Variants in CHSY3 observed in about 807,000 individuals in gnomAD.
The protein encoded by CHSY3 is N-acetylgalactosaminyl-proteoglycan 3-beta-glucuronosyltransferase 3.
CHSY3 carries 35 observed loss-of-function variants against 67.2 expected under a neutral mutation model. That is an observed-to-expected ratio of 0.52 (90% confidence interval 0.40 to 0.69). CHSY3 has a LOEUF of 0.69. CHSY3 is among the 30% of genes least tolerant of loss of function. The probability of loss-of-function intolerance (pLI) is 0.00; values close to 1 mark genes in which losing one functional copy is unlikely to be tolerated. For synonymous variants in CHSY3, 474 were observed against 434.7 expected (o/e 1.09, Z -1.12); for missense variants, 1,069 against 1,138.5 (o/e 0.94, Z 0.88).
At chr5:129,956,157 A>C (rs951432204) in intron 2 of CHSY3, among the ~76,000 whole-genome samples, 33 of 152,174 alleles carry the variant, frequency 2.2e-4, no homozygotes, top group African/African-American at 8.0e-4. Flanking sequence ...CACTCCCGCC[A>C]ACAGTGTATA....
At chr5:130,042,650 T>C (rs1343547153) in intron 2 of CHSY3, among the ~76,000 whole-genome samples, 1 of 152,134 alleles carries the variant, frequency 6.6e-6, no homozygotes, top group Non-Finnish European at 1.5e-5. Context: ...GCATTAGAGA[T>C]AAAATCAATT....
At chr5:130,003,798 G>T (rs957390752) in intron 2 of CHSY3, among the ~76,000 whole-genome samples, 4 of 152,182 alleles carry the variant, frequency 2.6e-5, no homozygotes, top group Non-Finnish European at 5.9e-5. Flanking sequence ...CTGCCAAGTT[G>T]GTTTAAGCAC....
intron 2 of CHSY3, among the ~76,000 whole-genome samples, chr5:129,921,390 C>G (rs750309810): frequency 6.6e-6 from 1 of 152,142 alleles, no homozygotes; most frequent in Non-Finnish European, 1.5e-5. Flanking sequence ...TAGCAGGGAT[C>G]CACTAGATAA....
chr5:130,178,432 C>G (rs1220078751), intron 2 of CHSY3, among the ~76,000 whole-genome samples: 1 of 150,106 alleles, frequency 6.7e-6, no homozygotes, highest in Admixed American at 6.7e-5. Flanking sequence ...TTTTGTATTT[C>G]TAGTAGAGAG....
chr5:130,055,576 G>A (rs1455334135), intron 2 of CHSY3, among the ~76,000 whole-genome samples: 1 of 152,016 alleles, frequency 6.6e-6, no homozygotes, highest in Non-Finnish European at 1.5e-5. Flanking sequence ...TTAGTTTCAT[G>A]GAATCAAATC....
At chr5:130,077,123 A>G (rs1200495125) in intron 2 of CHSY3, among the ~76,000 whole-genome samples, 1 of 151,774 alleles carries the variant, frequency 6.6e-6, no homozygotes, top group African/African-American at 2.4e-5. Flanking sequence ...TTTAAGAAAA[A>G]AAATTTAAAA....
chr5:129,917,257 G>T (rs1281769544), intron 2 of CHSY3, among the ~76,000 whole-genome samples: 4 of 152,104 alleles, frequency 2.6e-5, no homozygotes, highest in Admixed American at 6.5e-5. Context: ...GAGGTGCATT[G>T]TTTCTAAGAC....
intron 2 of CHSY3, among the ~76,000 whole-genome samples, chr5:130,005,353 T>G (rs1021648698): frequency 1.3e-5 from 2 of 151,862 alleles, no homozygotes; most frequent in Admixed American, 6.6e-5. Flanking sequence ...AGGCAGAGGT[T>G]GCAGTGAGCC....
intron 2 of CHSY3, among the ~76,000 whole-genome samples, chr5:129,924,437 A>G (rs1761028300): frequency 6.6e-6 from 1 of 151,998 alleles, no homozygotes; most frequent in Non-Finnish European, 1.5e-5. Context: ...CACGAGATCA[A>G]GAGACCAAGA....
intron 2 of CHSY3, among the ~76,000 whole-genome samples, chr5:130,025,196 G>A (rs1179096801): frequency 6.6e-6 from 1 of 152,148 alleles, no homozygotes; most frequent in Admixed American, 6.6e-5. Flanking sequence ...ATGAGAGAGA[G>A]TGGTGAAAGG....
intron 2 of CHSY3, among the ~76,000 whole-genome samples, chr5:130,078,398 A>G (rs1198431656): frequency 6.6e-6 from 1 of 152,152 alleles, no homozygotes; most frequent in African/African-American, 2.4e-5. Context: ...TGCCACATAA[A>G]GAGATACATA....
chr5:130,154,453 A>G (rs1476334881), intron 2 of CHSY3, among the ~76,000 whole-genome samples: 1 of 152,206 alleles, frequency 6.6e-6, no homozygotes, highest in South Asian at 2.1e-4. Flanking sequence ...ATCTTAAACT[A>G]TCTCAGTGAA....
At chr5:129,921,916 G>T (rs1043735927) in intron 2 of CHSY3, among the ~76,000 whole-genome samples, 1 of 151,684 alleles carries the variant, frequency 6.6e-6, no homozygotes, top group Non-Finnish European at 1.5e-5. Context: ...TCACCCTATT[G>T]TGCTACCAAA....
intron 2 of CHSY3, among the ~76,000 whole-genome samples, chr5:130,007,490 A>G (rs1763908088): frequency 6.6e-6 from 1 of 152,176 alleles, no homozygotes; most frequent in African/African-American, 2.4e-5. Context: ...ATTTAGTAGC[A>G]AGACCCATTC....
intron 2 of CHSY3, among the ~76,000 whole-genome samples, chr5:130,084,392 G>A (rs986848162): frequency 6.6e-6 from 1 of 151,856 alleles, no homozygotes; most frequent in Non-Finnish European, 1.5e-5. Flanking sequence ...ATTCCACAAT[G>A]TAGACATGTG....
At chr5:129,984,078 C>T (rs1013067833) in intron 2 of CHSY3, among the ~76,000 whole-genome samples, 2 of 152,070 alleles carry the variant, frequency 1.3e-5, no homozygotes, top group Non-Finnish European at 2.9e-5. Context: ...AAATTTGTTA[C>T]ATGGGTAAAT....
intron 2 of CHSY3, among the ~76,000 whole-genome samples, chr5:129,953,069 T>G (rs1762069088): frequency 6.6e-6 from 1 of 152,086 alleles, no homozygotes; most frequent in Admixed American, 6.6e-5. Context: ...CCATGGTGGT[T>G]TGCTGCACCC....
At chr5:130,019,776 G>A (rs1387362197) in intron 2 of CHSY3, among the ~76,000 whole-genome samples, 1 of 152,118 alleles carries the variant, frequency 6.6e-6, no homozygotes, top group African/African-American at 2.4e-5. Flanking sequence ...AACGACTAAA[G>A]GTTTTTGCAT....
At chr5:130,049,770 C>CTT (rs72080416) in intron 2 of CHSY3, among the ~76,000 whole-genome samples, 6,582 of 146,140 alleles carry the variant, frequency 0.045, 182 homozygotes, top group Non-Finnish European at 0.066. Flanking sequence ...ATCTCCCCAT[C>CTT]TTTTTTTTTT....
Sources: allele counts gnomAD v4.1 joint callset (sites outside exome capture counted in the v4.1 genomes callset), GRCh38; gene constraint gnomAD v4.1.1; transcripts MANE v1.5; gene names NCBI Gene and HGNC (gene_info 2026-07-23, HGNC 2026-07-21).